Variants in NTM observed in about 807,000 individuals in gnomAD.
NTM encodes the protein IgLON family member 2.
NTM carries 13 observed loss-of-function variants against 42.1 expected under a neutral mutation model. That is an observed-to-expected ratio of 0.31 (90% CI 0.20 to 0.49). The LOEUF is 0.49. Among genes scored for constraint, NTM ranks in the 20% least tolerant of loss-of-function variants. NTM has a pLI of 0.99. For synonymous variants in NTM, 187 were observed against 179.2 expected (o/e 1.04, Z -0.35); for missense variants, 373 against 452.8 (o/e 0.82, Z 1.60).
At chr11:131,699,377 A>G (rs1165041598) in intron 1 of NTM, among the ~76,000 whole-genome samples, 1 of 152,248 alleles carries the variant, frequency 6.6e-6, no homozygotes, top group Non-Finnish European at 1.5e-5. Context: ...CAGAGAAGAC[A>G]AAAAGTAGAA....
chr11:132,031,148 C>A (rs1223259253), intron 2 of NTM, among the ~76,000 whole-genome samples: 2 of 152,154 alleles, frequency 1.3e-5, no homozygotes, highest in African/African-American at 2.4e-5. Flanking sequence ...GTATACCCTG[C>A]CAACAGTAGG....
chr11:132,147,460 C>T (rs141719107), intron 3 of NTM, among the ~76,000 whole-genome samples: 196 of 152,090 alleles, frequency 1.3e-3, no homozygotes, highest in African/African-American at 4.2e-3. Context: ...AGGGGGTCAA[C>T]GTGAGGATTG....
At chr11:132,161,453 T>TC (rs2074269752) in intron 3 of NTM, among the ~76,000 whole-genome samples, 1 of 150,366 alleles carries the variant, frequency 6.7e-6, no homozygotes, top group East Asian at 2.0e-4. Flanking sequence ...ATCCTTTTTT[T>TC]CCTGTTCTTT....
chr11:132,024,970 C>T (rs566390), intron 2 of NTM, among the ~76,000 whole-genome samples: 73,357 of 152,026 alleles, frequency 0.48, 19,335 homozygotes, highest in African/African-American at 0.69. Context: ...AAGTGAATTA[C>T]TAGTCTCCTT....
chr11:131,601,008 C>T (rs1218796842), intron 1 of NTM, among the ~76,000 whole-genome samples: 1 of 152,228 alleles, frequency 6.6e-6, no homozygotes, highest in African/African-American at 2.4e-5. Flanking sequence ...ATGCCCAGTA[C>T]TGCTCGGAGC....
chr11:131,682,487 G>C (rs1296395778), intron 1 of NTM, among the ~76,000 whole-genome samples: 2 of 152,158 alleles, frequency 1.3e-5, no homozygotes, highest in Non-Finnish European at 2.9e-5. Flanking sequence ...CTCGTGGCAC[G>C]CATGCAGCTG....
chr11:132,262,244 A>G (rs1354950868), intron 4 of NTM, among the ~76,000 whole-genome samples: 1 of 152,194 alleles, frequency 6.6e-6, no homozygotes, highest in South Asian at 2.1e-4. Flanking sequence ...TTTGTCCCCA[A>G]ATTAGCAAAC....
chr11:131,980,812 G>C (rs1449283336), intron 2 of NTM, among the ~76,000 whole-genome samples: 1 of 152,166 alleles, frequency 6.6e-6, no homozygotes, highest in Non-Finnish European at 1.5e-5. Context: ...ACAACAGAAA[G>C]ATGAGCAAGT....
At chr11:131,665,284 G>A (rs1373944372) in intron 1 of NTM, among the ~76,000 whole-genome samples, 2 of 152,170 alleles carry the variant, frequency 1.3e-5, no homozygotes, top group Non-Finnish European at 2.9e-5. Flanking sequence ...TGGGTAAACA[G>A]TGATTGCATT....
At chr11:132,065,046 C>T (rs569131153) in intron 2 of NTM, among the ~76,000 whole-genome samples, 2 of 152,292 alleles carry the variant, frequency 1.3e-5, no homozygotes, top group African/African-American at 4.8e-5. Flanking sequence ...AGGGGAATGG[C>T]ACATTCCACT....
chr11:131,520,745 C>T (rs975299641), intron 1 of NTM, among the ~76,000 whole-genome samples: 3 of 117,314 alleles, frequency 2.6e-5, no homozygotes, highest in African/African-American at 1.4e-4. Context: ...ATGTACACTA[C>T]CCTTAAAAGA....
chr11:132,294,799 T>C (rs2094557589), intron 4 of NTM, among the ~76,000 whole-genome samples: 1 of 152,188 alleles, frequency 6.6e-6, no homozygotes, highest in Non-Finnish European at 1.5e-5. Flanking sequence ...ATCATTCCAC[T>C]ACTAATTACA....
chr11:131,457,436 C>A (rs1156876727), intron 1 of NTM, among the ~76,000 whole-genome samples: 3 of 152,132 alleles, frequency 2.0e-5, no homozygotes, highest in Non-Finnish European at 4.4e-5. Flanking sequence ...CAGAGAGAGG[C>A]TGGCAGAGAG....
chr11:131,888,780 T>C (rs1455177551), intron 1 of NTM, among the ~76,000 whole-genome samples: 1 of 152,148 alleles, frequency 6.6e-6, no homozygotes, highest in Admixed American at 6.5e-5. Context: ...AATTAAATTT[T>C]AAAGTGACAA....
chr11:131,615,531 AATTTTTTTGTAATTTTATTG>A (rs2061842715), intron 1 of NTM, among the ~76,000 whole-genome samples: 2 of 151,984 alleles, frequency 1.3e-5, no homozygotes, highest in Admixed American at 1.3e-4. Flanking sequence ...ATGCCTGGCT[AATTTTTTTGTAATTTTATTG>A]GAGAGATGGG....
At chr11:131,620,385 T>A (rs2062403994) in intron 1 of NTM, among the ~76,000 whole-genome samples, 1 of 152,202 alleles carries the variant, frequency 6.6e-6, no homozygotes, top group Admixed American at 6.5e-5. Flanking sequence ...AGAATGATCC[T>A]TTTCAAACAT....
intron 2 of NTM, among the ~76,000 whole-genome samples, chr11:132,137,862 G>C (rs1269616960): frequency 6.6e-6 from 1 of 152,190 alleles, no homozygotes; most frequent in Admixed American, 6.5e-5. Flanking sequence ...GATCCGTGCT[G>C]GTCGGCCTGC....
At chr11:131,918,837 G>A (rs2138172377) in intron 2 of NTM, among the ~76,000 whole-genome samples, 1 of 152,270 alleles carries the variant, frequency 6.6e-6, no homozygotes, top group Middle Eastern at 3.4e-3. Flanking sequence ...GACCTCTAGA[G>A]GTCCCTTCTA....
At chr11:132,267,850 A>G (rs981052203) in intron 4 of NTM, among the ~76,000 whole-genome samples, 10 of 151,956 alleles carry the variant, frequency 6.6e-5, no homozygotes, top group Non-Finnish European at 1.0e-4. Flanking sequence ...TCAAAAAAAA[A>G]AAAACAAAAA....
Sources: gnomAD v4.1 joint callset for allele counts (sites outside exome capture counted in the v4.1 genomes callset) on GRCh38, gnomAD v4.1.1 for gene constraint, MANE v1.5 for transcripts, NCBI Gene and HGNC (gene_info 2026-07-23, HGNC 2026-07-21) for gene names.